ROBO2: variants seen among roughly 807,000 people sequenced by gnomAD.
ROBO2 encodes roundabout guidance receptor 2, also known as roundabout homolog 2.
In ROBO2, 53 loss-of-function variants were observed where a neutral mutation model predicts 160.8. The ratio of observed to expected loss-of-function variants is 0.33; its 90% CI spans 0.26 to 0.41. The LOEUF (loss-of-function observed/expected upper bound fraction) is 0.41, where lower values mean the gene tolerates loss of function less well. Ranked by LOEUF, ROBO2 falls within the 10% of genes least tolerant of loss-of-function variation. ROBO2 has a pLI of 1.00. For synonymous variants in ROBO2, 664 were observed against 611.7 expected (o/e 1.09, Z -1.26); for missense variants, 1,577 against 1,722.4 (o/e 0.92, Z 1.49).
At chr3:76,484,311 ATCT>A (rs1560023898) in intron 2 of ROBO2, among the ~76,000 whole-genome samples, 1 of 152,240 alleles carries the variant, frequency 6.6e-6, no homozygotes, top group African/African-American at 2.4e-5. Flanking sequence ...GTAGGGCTAC[ATCT>A]TCTTCTTAAT....
chr3:76,886,397 TA>T (rs113249255), intron 2 of ROBO2, among the ~76,000 whole-genome samples: 86 of 145,710 alleles, frequency 5.9e-4, no homozygotes, highest in South Asian at 8.7e-4. Context: ...CCTTTTAACT[TA>T]AAAAAAAAAA....
rs59372235 is a variant in ROBO2 at position 76,967,511 on chromosome 3, CTTTTTTTTTTTT to C, written c.110-130485_110-130474del. Among the ~76,000 whole-genome samples the C allele has an allele frequency of 2.2e-4, 12 of 55,386 alleles. No homozygotes were observed. In the South Asian group the frequency reaches 4.7e-3, roughly 21 times the overall value. The allele number at this position is 55,386 out of a possible 152,430, so 36.3% of individuals were successfully genotyped here. ...CATAAGCCACCGCACCTGGCCAGCT[CTTTTTTTTTTTT>C]TTTTTTTTTTTTTTTTTAAACAATG... On this transcript the variant is annotated intron_variant, in intron 2 of 26. Transcript: ENST00000487694.
intron 2 of ROBO2, among the ~76,000 whole-genome samples, chr3:76,330,645 G>T (rs1415741491): frequency 2.0e-5 from 3 of 152,178 alleles, no homozygotes; most frequent in Non-Finnish European, 2.9e-5. Context: ...AGCAATTTGT[G>T]CAAGAAACTA....
intron 2 of ROBO2, among the ~76,000 whole-genome samples, chr3:77,336,472 CTCT>C (rs2066506840): frequency 6.6e-6 from 1 of 151,798 alleles, no homozygotes; most frequent in African/African-American, 2.4e-5. Flanking sequence ...TCTGCTCCTC[CTCT>C]TCTTCCTTTT....
intron 2 of ROBO2, among the ~76,000 whole-genome samples, chr3:77,373,180 T>C (rs868232090): frequency 3.5e-4 from 51 of 147,360 alleles, no homozygotes; most frequent in Middle Eastern, 7.2e-3. Flanking sequence ...ATATAAAATA[T>C]TATATTTTAA....
chr3:76,952,954 T>G (rs1476048633), intron 2 of ROBO2, among the ~76,000 whole-genome samples: 1 of 152,198 alleles, frequency 6.6e-6, no homozygotes, highest in African/African-American at 2.4e-5. Flanking sequence ...ATCAGAGACT[T>G]TTGACAGTGT....
chr3:76,766,988 A>T (rs2061608015), intron 2 of ROBO2, among the ~76,000 whole-genome samples: 1 of 151,580 alleles, frequency 6.6e-6, no homozygotes, highest in African/African-American at 2.4e-5. Context: ...CACATTATTT[A>T]TAAAGTTCAC....
rs1560218670 is a variant in ROBO2 at position 76,603,344 on chromosome 3, A to AT, written c.110-494670_110-494669insT. Among the ~76,000 whole-genome samples the AT allele has an allele frequency of 4.9e-3, 317 of 64,512 alleles. 1 individual carries two copies. Among genetic ancestry groups the AT allele is most frequent in the African/African-American group, 0.011 (186 of 17,590 alleles). The allele number at this position is 64,512 out of a possible 152,430, so 42.3% of individuals were successfully genotyped here. A position where few individuals can be genotyped will look rare whatever the true frequency, so the allele number is the denominator to read the frequency against. On this transcript the variant is annotated intron_variant, in intron 2 of 26. Transcript: ENST00000487694. Reference sequence around the variant, plus strand: ...GAGACTCCATCTCCAAAAAAAAAAAAAAAAAAAATATATATATATATATAT... The same window carrying AT: ...GAGACTCCATCTCCAAAAAAAAAAAATAAAAAAAATATATATATATATATAT...
At chr3:76,710,771 G>T (rs2093276736) in intron 2 of ROBO2, among the ~76,000 whole-genome samples, 1 of 152,090 alleles carries the variant, frequency 6.6e-6, no homozygotes, top group South Asian at 2.1e-4. Context: ...CAGACTTAGG[G>T]GAGCTTAGAG....
intron 2 of ROBO2, among the ~76,000 whole-genome samples, chr3:76,318,764 C>G (rs146496276): frequency 1.3e-5 from 2 of 151,982 alleles, no homozygotes; most frequent in African/African-American, 4.8e-5. Context: ...CAAATTCAAC[C>G]TTCAAAGTTA....
chr3:77,457,517 A>T (rs904263147), intron 2 of ROBO2, among the ~76,000 whole-genome samples: 5 of 152,138 alleles, frequency 3.3e-5, no homozygotes, highest in African/African-American at 1.2e-4. Flanking sequence ...ATACAAGTTA[A>T]ATGGTTATTC....
chr3:76,919,786 G>A (rs1255693772), intron 2 of ROBO2, among the ~76,000 whole-genome samples: 10 of 152,092 alleles, frequency 6.6e-5, no homozygotes, highest in Non-Finnish European at 1.5e-4. Context: ...ATCAAAACCA[G>A]AAATCCTAAA....
chr3:76,262,288 G>A (rs1236010584), intron 2 of ROBO2, among the ~76,000 whole-genome samples: 3 of 151,868 alleles, frequency 2.0e-5, no homozygotes, highest in Non-Finnish European at 4.4e-5. Flanking sequence ...AAAATTTAAC[G>A]AGCTTTGCTT....
At chr3:77,035,518 A>T (rs903304308), upstream of ROBO2, among the ~76,000 whole-genome samples, 2 of 151,688 alleles carry the variant, frequency 1.3e-5, no homozygotes, top group Non-Finnish European at 3.0e-5. Context: ...TGCAGAGAAA[A>T]CTCTTTTAAA....
At chr3:77,641,093 G>A (rs558000894) in intron 24 of ROBO2, among the ~76,000 whole-genome samples, 1 of 152,286 alleles carries the variant, frequency 6.6e-6, no homozygotes, top group African/African-American at 2.4e-5. Flanking sequence ...ATAACATATA[G>A]TGAAGGAAGT....
chr3:76,777,515 G>A (rs1271168998), intron 2 of ROBO2, among the ~76,000 whole-genome samples: 1 of 150,812 alleles, frequency 6.6e-6, no homozygotes, highest in Non-Finnish European at 1.5e-5. Context: ...AAATGTAATG[G>A]ACACTGAGAG....
chr3:77,623,977 C>T (rs920820238), intron 23 of ROBO2, among the ~76,000 whole-genome samples: 10 of 152,144 alleles, frequency 6.6e-5, no homozygotes, highest in Admixed American at 1.3e-4. Flanking sequence ...TGTTAGGCTG[C>T]CTGATGTGAC....
At chr3:77,538,996 C>A (rs753873462) in intron 6 of ROBO2, 7 of 395,706 alleles carry the variant, frequency 1.8e-5, no homozygotes, top group Non-Finnish European at 2.5e-5. Flanking sequence ...CGGCTCACTG[C>A]AAGCTCCGCC....
At chr3:77,482,863 GAA>G (rs967682729) in intron 4 of ROBO2, among the ~76,000 whole-genome samples, 1 of 144,582 alleles carries the variant, frequency 6.9e-6, no homozygotes, top group African/African-American at 2.5e-5. Context: ...GGAATAGAAA[GAA>G]AAAAAAAAGC....
Sources: allele counts gnomAD v4.1 joint callset (sites outside exome capture counted in the v4.1 genomes callset), GRCh38; gene constraint gnomAD v4.1.1; transcripts MANE v1.5; gene names NCBI Gene and HGNC (gene_info 2026-07-23, HGNC 2026-07-21).